The following PAX6 variants were observed in gnomAD, a reference collection of about 807,000 sequenced individuals.
The protein encoded by PAX6 is paired box protein Pax-6.
In PAX6, 7 loss-of-function variants were observed where a neutral mutation model predicts 60.7. The ratio of observed to expected loss-of-function variants is 0.12; its 90% CI spans 0.07 to 0.22. The LOEUF (loss-of-function observed/expected upper bound fraction) is 0.22, where lower values mean the gene tolerates loss of function less well. Among genes scored for constraint, PAX6 ranks in the 10% least tolerant of loss-of-function variants. PAX6 has a pLI of 1.00. For missense variants in PAX6, 355 were observed against 555.2 expected (o/e 0.64, Z 3.62); for synonymous variants, 208 against 201.2 (o/e 1.03, Z -0.29).
At chr11:31,802,977 G>C in intron 4 of PAX6, 143 bp from the exon 5 acceptor site, 1 of 850,094 alleles carries the variant, frequency 1.2e-6, no homozygotes, top group Non-Finnish European at 1.9e-6. Context: ...AAGAAGGAGA[G>C]GAGGAGGAGA....
chr11:31,794,203 C>T (rs1181330531), intron 9 of PAX6, 89 bp from the exon 10 acceptor site: 1 of 863,130 alleles, frequency 1.2e-6, no homozygotes, highest in African/African-American at 1.6e-5. Context: ...CCCACCTCCC[C>T]ACTCCCATTA....
chr11:31,806,785 A>G, intron 3 of PAX6, 64 bp downstream of exon 3: 1 of 251,318 alleles, frequency 4.0e-6, no homozygotes, highest in Non-Finnish European at 7.6e-6. Flanking sequence ...GAAGAAGCAT[A>G]CTGAAATAGT....
intron 8 of PAX6, among the ~76,000 whole-genome samples, chr11:31,795,655 G>A (rs1254032679): frequency 6.6e-6 from 1 of 152,210 alleles, no homozygotes; most frequent in Admixed American, 6.5e-5. Flanking sequence ...TTTTAATTAG[G>A]GCATTTCCAC....
In PAX6 at chr11:31,793,184, C is replaced by T. The variant is rs1468605302; in HGVS notation, c.1074+254G>A. 4.6e-6 allele frequency: 3 copies of T among 656,834 alleles called. No homozygotes were observed. In the African/African-American group the frequency reaches 5.3e-5, roughly 12 times the overall value. The allele number at this position is 656,834 out of a possible 1,614,324, so 40.7% of individuals were successfully genotyped here. ...CCACCACCCAACATTATCAAGGTAA[C>T]AGTATAATAAAAGGCAGATCAACCT... is the stretch of plus-strand genomic sequence containing the variant. On this transcript the variant is annotated intron_variant, in intron 12 of 13. Coordinates refer to ENST00000640368, the MANE Select transcript of PAX6 (RefSeq NM_001368894.2).
intron 13 of PAX6, 139 bp downstream of exon 13, chr11:31,790,571 C>T: frequency 6.5e-7 from 1 of 1,534,640 alleles, no homozygotes. Flanking sequence ...CTGAATTTCC[C>T]TTTTCAATCC....
At chr11:31,794,433 CACA>C (rs1409041762) in intron 9 of PAX6, 194 bp downstream of exon 9, 1 of 25,608 alleles carries the variant, frequency 3.9e-5, no homozygotes, top group East Asian at 2.2e-4. Flanking sequence ...CACACACACA[CACA>C]CACACACACA....
chr11:31,793,066 C>A, intron 12 of PAX6: 1 of 592,330 alleles, frequency 1.7e-6, no homozygotes, highest in Non-Finnish European at 3.0e-6. Context: ...AATATAAACC[C>A]AAATTTTAAA....
intron 13 of PAX6, chr11:31,790,351 A>G (rs1949492373): frequency 1.2e-6 from 1 of 863,056 alleles, no homozygotes; most frequent in Non-Finnish European, 1.6e-6. Flanking sequence ...TATTTCCAGC[A>G]AAAGGTCTAG....
chr11:31,808,836 C>T (rs1033502899), intron 2 of PAX6: 1 of 152,252 alleles, frequency 6.6e-6, no homozygotes, highest in Admixed American at 6.5e-5. Flanking sequence ...ACATCGACAC[C>T]CGGAAGCAGT....
At chr11:31,817,437 G>A (rs1957431812) in intron 1 of PAX6, among the ~76,000 whole-genome samples, 1 of 152,254 alleles carries the variant, frequency 6.6e-6, no homozygotes, top group African/African-American at 2.4e-5. Context: ...CTGCGATGCA[G>A]AGGAGGTCTG....
chr11:31,790,855 T>G lies in PAX6; in HGVS notation c.1080A>C (p.Pro360=). The part of the protein sequence containing the change: ...TMANNLPMQP[P]VPSQTSSYSC... Reference sequence around the variant, plus strand: ...AGTATGAGGAGGTCTGGCTGGGGACTGGGGGCTGTGAGGAGAGAGGCAAAC... The same window carrying G: ...AGTATGAGGAGGTCTGGCTGGGGACGGGGGGCTGTGAGGAGAGAGGCAAAC... The change falls in exon 13 of 14, where the codon CCA becomes CCC. Residue 360 remains proline, a synonymous_variant. Transcript: ENST00000640368. 6.2e-7 allele frequency: 1 copy of G among 1,613,944 alleles called. No homozygotes were observed. The highest frequency in any genetic ancestry group is 8.5e-7 in the Non-Finnish European group (1 of 1,179,958).
chr11:31,802,688 G>A lies in PAX6; in HGVS notation c.141+16C>T. The stretch of plus-strand genomic sequence containing the variant: ...GGCCGCGGGGGCGGCGAGTGGGGCG[G>A]CGCCGGGAGGATCACCTGCAGAATT... On this transcript the variant is annotated intron_variant, in intron 5 of 13. Coordinates refer to ENST00000640368, the MANE Select transcript of PAX6 (RefSeq NM_001368894.2). The A allele has an allele frequency of 1.9e-6, 3 of 1,607,306 alleles. No homozygotes were observed. The highest frequency in any genetic ancestry group is 2.5e-6 in the Non-Finnish European group (3 of 1,176,596).
At chr11:31,796,327 T>C (rs1951499582) in intron 8 of PAX6, among the ~76,000 whole-genome samples, 1 of 152,268 alleles carries the variant, frequency 6.6e-6, no homozygotes, top group South Asian at 2.1e-4. Flanking sequence ...AAGGATTCTC[T>C]TGAGGCGTGC....
At chr11:31,813,482 G>A (rs1957229074), upstream of PAX6, among the ~76,000 whole-genome samples, 1 of 151,560 alleles carries the variant, frequency 6.6e-6, no homozygotes, top group Admixed American at 6.6e-5. Flanking sequence ...ACCTTCTTAA[G>A]CTTTGCCTCG....
At chr11:31,797,983 TGAGAGAGAGAGA>T (rs10694272) in intron 8 of PAX6, among the ~76,000 whole-genome samples, 2 of 148,192 alleles carry the variant, frequency 1.3e-5, no homozygotes, top group East Asian at 4.0e-4. Flanking sequence ...TGGAAGGAGG[TGAGAGAGAGAGA>T]GAGAGAGAGA....
At chr11:31,816,063 C>A (rs1220268102), upstream of PAX6, among the ~76,000 whole-genome samples, 1 of 152,238 alleles carries the variant, frequency 6.6e-6, no homozygotes, top group Non-Finnish European at 1.5e-5. Context: ...CGTTCCCGGC[C>A]AGACCCCGCT....
chr11:31,792,419 G>T (rs958405942), intron 12 of PAX6: 3 of 152,196 alleles, frequency 2.0e-5, no homozygotes, highest in African/African-American at 7.2e-5. Context: ...TGAAGACTGT[G>T]AAACATTTAT....
intron 9 of PAX6, 85 bp from the exon 10 acceptor site, chr11:31,794,199 TC>T: frequency 1.1e-6 from 1 of 880,174 alleles, no homozygotes; most frequent in Admixed American, 1.7e-5. Context: ...GGTTCCCACC[TC>T]CCCACTCCCA....
intron 4 of PAX6, chr11:31,806,135 TG>T (rs1435798568): frequency 1.5e-5 from 7 of 476,906 alleles, no homozygotes; most frequent in African/African-American, 1.0e-4. Flanking sequence ...TTGGGGGGGA[TG>T]GGGTTTCTCT....
Sources: gnomAD v4.1 joint callset for allele counts (sites outside exome capture counted in the v4.1 genomes callset) on GRCh38, gnomAD v4.1.1 for gene constraint, MANE v1.5 for transcripts, NCBI Gene and HGNC (gene_info 2026-07-23, HGNC 2026-07-21) for gene names.